The following NRXN1 variants were observed in gnomAD, a reference collection of about 807,000 sequenced individuals.
NRXN1 encodes neurexin 1.
NRXN1 carries 39 observed loss-of-function variants against 150.9 expected under a neutral mutation model. The observed-to-expected ratio is 0.26, with a 90% CI of 0.20 to 0.34. The LOEUF is 0.34. NRXN1 is among the 10% of genes least tolerant of loss of function. NRXN1 has a pLI of 1.00. For missense variants in NRXN1, 1,815 were observed against 1,949.9 expected, an observed-to-expected ratio of 0.93 and a Z score of 1.30; for synonymous variants, 924 against 757.0, an observed-to-expected ratio of 1.22 and a Z score of -3.62.
chr2:50,999,333 C>CTTA (rs1268939844), intron 2 of NRXN1, among the ~76,000 whole-genome samples: 1 of 152,018 alleles, frequency 6.6e-6, no homozygotes, highest in Non-Finnish European at 1.5e-5. Flanking sequence ...CCACAGTATG[C>CTTA]TTAACAGGTA....
chr2:50,945,844 G>A lies in NRXN1; in HGVS notation c.773-19889C>T, dbSNP rs1175093037. ...CACGACTTTATCGTAAGAAACAAGT[G>A]ACTCCAAAATATGAAAGTACTTCAG... On this transcript the variant is annotated intron_variant, in intron 2 of 22. Transcript: ENST00000401669. Among the ~76,000 whole-genome samples the A allele has an allele frequency of 2.7e-5, 4 of 148,688 alleles. No homozygotes were observed. The Admixed American group carries it at 2.7e-4, about 10-fold the overall frequency.
intron 17 of NRXN1, among the ~76,000 whole-genome samples, chr2:50,275,935 A>G (rs570173633): frequency 6.7e-6 from 1 of 149,658 alleles, no homozygotes; most frequent in Non-Finnish European, 1.5e-5. Flanking sequence ...AAATTGTTCA[A>G]TCACTGTTTT....
intron 15 of NRXN1, among the ~76,000 whole-genome samples, chr2:50,485,614 A>G (rs746949916): frequency 2.0e-4 from 31 of 152,334 alleles, no homozygotes; most frequent in Non-Finnish European, 4.1e-4. Context: ...CAAAGGATCC[A>G]TGGAAACTCC....
chr2:49,975,322 A>C (rs979328780), intron 21 of NRXN1, among the ~76,000 whole-genome samples: 1 of 152,024 alleles, frequency 6.6e-6, no homozygotes, highest in Non-Finnish European at 1.5e-5. Context: ...CAGTTTTCAT[A>C]CTATTCATAC....
At chr2:50,416,682 T>C (rs780639983) in intron 17 of NRXN1, among the ~76,000 whole-genome samples, 1 of 151,988 alleles carries the variant, frequency 6.6e-6, no homozygotes, top group African/African-American at 2.4e-5. Context: ...GAAGCAAACA[T>C]GTCCTTCTTC....
intron 20 of NRXN1, 140 bp downstream of exon 20, chr2:50,054,815 T>C: frequency 1.8e-6 from 1 of 561,696 alleles, no homozygotes; most frequent in South Asian, 2.5e-5. Flanking sequence ...TATTACTATC[T>C]ACATTTTACT....
intron 15 of NRXN1, among the ~76,000 whole-genome samples, chr2:50,481,756 G>GTTT (rs1553677617): frequency 5.9e-5 from 4 of 67,656 alleles, no homozygotes; most frequent in Non-Finnish European, 1.1e-4. Flanking sequence ...CTGAACTTTT[G>GTTT]TTTCTTTTTT....
In NRXN1 at chr2:50,812,150, G is replaced by A. The variant is rs114014413; in HGVS notation, c.832+109719C>T. 5.3e-3 allele frequency among the ~76,000 whole-genome samples: 799 copies of A among 152,178 alleles called. 12 individuals are homozygous for A. Among genetic ancestry groups the A allele is most frequent in the African/African-American group, 0.018 (738 of 41,524 alleles). On this transcript the variant is annotated intron_variant, in intron 5 of 22. Transcript: ENST00000401669. Reference sequence around the variant, plus strand: ...TTATTTAAACATTTGGTTTTGTACAGTATACATTTAAATTACATTGCTTAA... The same window carrying A: ...TTATTTAAACATTTGGTTTTGTACAATATACATTTAAATTACATTGCTTAA...
chr2:50,095,787 T>C (rs994643111), intron 18 of NRXN1, among the ~76,000 whole-genome samples: 2 of 150,342 alleles, frequency 1.3e-5, no homozygotes, highest in Non-Finnish European at 3.0e-5. Flanking sequence ...TAATTTTATA[T>C]ATATATTTTT....
At chr2:50,375,476 G>T (rs996643142) in intron 17 of NRXN1, among the ~76,000 whole-genome samples, 2 of 148,656 alleles carry the variant, frequency 1.3e-5, no homozygotes, top group Non-Finnish European at 3.0e-5. Flanking sequence ...GTTAAAATTT[G>T]AAAGCTAGTC....
At chr2:50,397,536 C>T (rs1380082807) in intron 17 of NRXN1, among the ~76,000 whole-genome samples, 1 of 152,070 alleles carries the variant, frequency 6.6e-6, no homozygotes, top group Non-Finnish European at 1.5e-5. Flanking sequence ...GTCCATGTTA[C>T]AGGTGAGGGC....
chr2:50,502,597 T>G (rs2092006708), intron 13 of NRXN1, among the ~76,000 whole-genome samples: 1 of 152,158 alleles, frequency 6.6e-6, no homozygotes, highest in African/African-American at 2.4e-5. Context: ...CATTATTGGA[T>G]TAAGCAAATC....
At chr2:50,040,608 A>C (rs1690786276) in intron 21 of NRXN1, among the ~76,000 whole-genome samples, 1 of 152,022 alleles carries the variant, frequency 6.6e-6, no homozygotes, top group South Asian at 2.1e-4. Flanking sequence ...TGAGGGGATA[A>C]ATGTGGTATC....
At chr2:50,502,305 TAA>T (rs1179460381) in intron 13 of NRXN1, among the ~76,000 whole-genome samples, 1 of 152,140 alleles carries the variant, frequency 6.6e-6, no homozygotes, top group African/African-American at 2.4e-5. Context: ...CATTTGATGT[TAA>T]GTCTTAGGAA....
intron 21 of NRXN1, among the ~76,000 whole-genome samples, chr2:50,012,461 T>G (rs1239730313): frequency 6.6e-6 from 1 of 152,130 alleles, no homozygotes; most frequent in Non-Finnish European, 1.5e-5. Flanking sequence ...TCTATTATCA[T>G]GTATAGGTCA....
At chr2:50,828,892 G>A (rs1215891063) in intron 5 of NRXN1, among the ~76,000 whole-genome samples, 1 of 152,208 alleles carries the variant, frequency 6.6e-6, no homozygotes, top group Non-Finnish European at 1.5e-5. Flanking sequence ...GGGAGGTGGA[G>A]GTTGTAGCGA....
chr2:50,070,976 G>A (rs924805014), intron 19 of NRXN1, among the ~76,000 whole-genome samples: 8 of 152,206 alleles, frequency 5.3e-5, no homozygotes, highest in Middle Eastern at 3.4e-3. Flanking sequence ...TATTTCTAGT[G>A]ATCTCTAAAT....
At chr2:50,912,612 T>C (rs756833108) in intron 5 of NRXN1, among the ~76,000 whole-genome samples, 9 of 151,514 alleles carry the variant, frequency 5.9e-5, no homozygotes, top group Non-Finnish European at 1.0e-4. Context: ...TGAGAACTAC[T>C]AGGTAGAACA....
At chr2:50,844,958 A>C (rs1308305674) in intron 5 of NRXN1, among the ~76,000 whole-genome samples, 1 of 151,934 alleles carries the variant, frequency 6.6e-6, no homozygotes, top group Non-Finnish European at 1.5e-5. Flanking sequence ...GGCTCAAGCT[A>C]TCCTCCCACC....
Sources: gnomAD v4.1 joint callset for allele counts (sites outside exome capture counted in the v4.1 genomes callset) on GRCh38, gnomAD v4.1.1 for gene constraint, MANE v1.5 for transcripts, NCBI Gene and HGNC (gene_info 2026-07-23, HGNC 2026-07-21) for gene names.